Variants in TSACC observed in about 807,000 individuals in gnomAD.
The protein encoded by TSACC is TSSK6 activating cochaperone, also known as TSSK6-activating co-chaperone protein.
A neutral mutation model predicts 6.9 loss-of-function variants in TSACC; 3 were observed. That is an observed-to-expected ratio of 0.43 (90% confidence interval 0.20 to 1.12). The LOEUF is 1.12. TSACC is among the 50% of genes most tolerant of loss of function. The probability of loss-of-function intolerance (pLI) is 0.28; values close to 1 mark genes in which losing one functional copy is unlikely to be tolerated. For synonymous variants in TSACC, 54 were observed against 55.1 expected (o/e 0.98, Z 0.09); for missense variants, 137 against 143.9 (o/e 0.95, Z 0.24).
chr1:156,339,502 G>T, intron 1 of TSACC, 132 bp from the exon 2 acceptor site: 362 of 397,670 alleles, frequency 9.1e-4, no homozygotes, highest in Middle Eastern at 2.1e-3. Flanking sequence ...TTACTATTTT[G>T]TCCAGAAAAA....
intron 1 of TSACC, chr1:156,338,807 C>A (rs1424801570): frequency 6.5e-6 from 1 of 153,966 alleles, no homozygotes; most frequent in Non-Finnish European, 1.4e-5. Flanking sequence ...GGCCGGACTG[C>A]GCAGCCTTTT....
At chr1:156,338,198 AGAGCC>A (rs749088061), upstream of TSACC, 1 of 1,585,180 alleles carries the variant, frequency 6.3e-7, no homozygotes, top group African/African-American at 1.3e-5. Context: ...GACGCGATGC[AGAGCC>A]GGGTACCCAG....
intron 2 of TSACC, 35 bp from the exon 3 acceptor site, chr1:156,344,545 T>A: frequency 1.2e-6 from 2 of 1,606,998 alleles, no homozygotes; most frequent in South Asian, 2.2e-5. Context: ...TGTCCCTTGT[T>A]GGAATGAGCT....
At chr1:156,338,375 C>T, upstream of TSACC, 1 of 609,014 alleles carries the variant, frequency 1.6e-6, no homozygotes, top group East Asian at 2.8e-5. Flanking sequence ...AATTGACAGC[C>T]TTAGTCCCGC....
At position 156,344,836 on chromosome 1, in the gene TSACC, A is replaced by G. The variant is rs2274226; in HGVS notation, c.163+128A>G. On this transcript the variant is annotated intron_variant, in intron 3 of 3. Coordinates refer to ENST00000368254, the MANE Select transcript of TSACC (RefSeq NM_001304817.2). ...TTAGGCATCTATAGATCTTTCCGTG[A>G]TAGCTTGTTGATTATTTAGTTTCAT... 566,163 of 1,131,460 alleles carry G rather than the reference A, an allele frequency of 0.5. 145,399 individuals are homozygous for G. Among genetic ancestry groups the G allele is most frequent in the Admixed American group, 0.63 (25,170 of 39,738 alleles). 70.1% of individuals were successfully genotyped at this position (1,131,460 alleles called of 1,614,324 possible). A position where few individuals can be genotyped will look rare whatever the true frequency, so the allele number is the denominator to read the frequency against.
chr1:156,342,130 A>T (rs1308050961), intron 2 of TSACC, among the ~76,000 whole-genome samples: 1 of 152,210 alleles, frequency 6.6e-6, no homozygotes, highest in Non-Finnish European at 1.5e-5. Context: ...CAAATTATTT[A>T]AAAGTGCATT....
chr1:156,340,441 G>A (rs1173529271), intron 2 of TSACC, among the ~76,000 whole-genome samples: 1 of 150,596 alleles, frequency 6.6e-6, no homozygotes, highest in African/African-American at 2.4e-5. Flanking sequence ...TTACAGGTGT[G>A]AGCTACCGCC....
At chr1:156,338,228 G>A (rs1301131024), upstream of TSACC, 4 of 1,563,868 alleles carry the variant, frequency 2.6e-6, no homozygotes, top group African/African-American at 2.7e-5. Context: ...GGGGGAACCG[G>A]CAGAACCTTC....
intron 3 of TSACC, 91 bp from the exon 4 acceptor site, chr1:156,346,677 G>A (rs1666201777): frequency 7.8e-7 from 1 of 1,280,946 alleles, no homozygotes; most frequent in South Asian, 1.3e-5. Flanking sequence ...AGATTGGAGA[G>A]GTCATTTTAT....
intron 3 of TSACC, among the ~76,000 whole-genome samples, chr1:156,345,298 C>T (rs1056382857): frequency 2.0e-5 from 3 of 152,260 alleles, no homozygotes; most frequent in Non-Finnish European, 4.4e-5. Flanking sequence ...CACGGTAGCT[C>T]ATCCCTGTAA....
intron 2 of TSACC, 37 bp from the exon 3 acceptor site, chr1:156,344,543 G>A: frequency 6.2e-7 from 1 of 1,606,516 alleles, no homozygotes. Flanking sequence ...GCTGTCCCTT[G>A]TTGGAATGAG....
At chr1:156,340,641 AGTAGAGATGGG>A (rs1306363531) in intron 2 of TSACC, among the ~76,000 whole-genome samples, 3 of 150,180 alleles carry the variant, frequency 2.0e-5, no homozygotes, top group Non-Finnish European at 3.0e-5. Flanking sequence ...TTGTATTTTT[AGTAGAGATGGG>A]GTTTCGCCAT....
chr1:156,342,425 A>T (rs1367842222), intron 2 of TSACC, among the ~76,000 whole-genome samples: 1 of 152,202 alleles, frequency 6.6e-6, no homozygotes, highest in Non-Finnish European at 1.5e-5. Flanking sequence ...AGGCTCAGTG[A>T]CCTTCCAGAC....
chr1:156,337,840 T>C (rs1570943186), upstream of TSACC: 1 of 406,166 alleles, frequency 2.5e-6, no homozygotes. Flanking sequence ...ATAGCGACAA[T>C]CAGGCTAGAA....
intron 2 of TSACC, among the ~76,000 whole-genome samples, chr1:156,340,190 G>A (rs1053989905): frequency 3.9e-5 from 6 of 152,014 alleles, no homozygotes; most frequent in African/African-American, 1.5e-4. Flanking sequence ...ACGGAGTCTC[G>A]CTCTGTCACC....
chr1:156,346,915 A>G lies in TSACC; in HGVS notation c.311A>G (p.Asn104Ser), dbSNP rs760215483. ...VTQLAPGRGS[N>S]NSSLPALSPN... ...CAACTGGCTCCTGGGAGGGGAAGCA[A>G]TAACTCTTCTCTCCCAGCCTTATCT... Residue 104 changes from asparagine to serine, a missense_variant, in exon 4 of 4, where the codon AAT (asparagine) becomes AGT (serine). Coordinates refer to ENST00000368254, the MANE Select transcript of TSACC (RefSeq NM_001304817.2). 1.9e-6 allele frequency: 3 copies of G among 1,614,228 alleles called. No homozygotes were observed. Among genetic ancestry groups the G allele is most frequent in the Non-Finnish European group, 1.7e-6 (2 of 1,180,038 alleles).
At chr1:156,338,437 C>A (rs1665569039), upstream of TSACC, 1 of 573,254 alleles carries the variant, frequency 1.7e-6, no homozygotes, top group East Asian at 2.9e-5. Context: ...ACGACGAAGG[C>A]ACTGGGAGGG....
upstream of TSACC, chr1:156,338,314 G>C (rs114297274): frequency 5.8e-6 from 5 of 863,202 alleles, no homozygotes; most frequent in East Asian, 2.7e-5. Context: ...CTACTCTCAA[G>C]GTAGTCGCCA....
At chr1:156,339,236 C>G (rs1180561387) in intron 1 of TSACC, among the ~76,000 whole-genome samples, 23 of 151,638 alleles carry the variant, frequency 1.5e-4, no homozygotes, top group Non-Finnish European at 7.4e-5. Context: ...TGCACTCCAG[C>G]CTGGCGACAG....
Sources: gnomAD v4.1 joint callset for allele counts (sites outside exome capture counted in the v4.1 genomes callset) on GRCh38, gnomAD v4.1.1 for gene constraint, MANE v1.5 for transcripts, NCBI Gene and HGNC (gene_info 2026-07-23, HGNC 2026-07-21) for gene names.